Variants in NAPG observed in about 807,000 individuals in gnomAD.
NAPG encodes the protein gamma-soluble NSF attachment protein.
In NAPG, 25 loss-of-function variants were observed where a neutral mutation model predicts 48.4. That is an observed-to-expected ratio of 0.52 (90% CI 0.38 to 0.72). NAPG has a LOEUF of 0.72. NAPG is among the 30% of genes least tolerant of loss of function. NAPG has a pLI of 0.00. For missense variants in NAPG, 359 were observed against 372.5 expected, an observed-to-expected ratio of 0.96 and a Z score of 0.30; for synonymous variants, 139 against 127.2, an observed-to-expected ratio of 1.09 and a Z score of -0.62.
At chr18:10,540,130 G>A (rs1798142455) in intron 7 of NAPG, 76 bp downstream of exon 7, 3 of 1,270,316 alleles carry the variant, frequency 2.4e-6, no homozygotes, top group African/African-American at 3.0e-5. Flanking sequence ...ATAGAGAAGT[G>A]CAGTGGCTAC....
At chr18:10,541,834 T>C (rs2143128522) in intron 8 of NAPG, among the ~76,000 whole-genome samples, 1 of 152,372 alleles carries the variant, frequency 6.6e-6, no homozygotes, top group Admixed American at 6.5e-5. Context: ...GAAGTATTTC[T>C]GCTTTCCACA....
Position 10,548,838 on chromosome 18 carries a change from T to TA in NAPG, c.666-128dup. 1 of 1,184,872 alleles carries TA rather than the reference T, an allele frequency of 8.4e-7. No homozygotes were observed. The highest frequency in any genetic ancestry group is 1.6e-5 in the South Asian group (1 of 63,514). The allele number at this position is 1,184,872 out of a possible 1,614,324, so 73.4% of individuals were successfully genotyped here. On this transcript the variant is annotated intron_variant, in intron 10 of 11. Coordinates refer to ENST00000322897, the MANE Select transcript of NAPG (RefSeq NM_003826.3). This position sits in a 1 kb window ranked among gnomAD's most constrained non-coding sequence, Gnocchi z 4.4. Reference sequence around the variant, plus strand: ...CCGGTCTCTGCCCTCTAGATGCCACTAGCATTCCCACACTTTTAAGTACCA... The same window carrying TA: ...CCGGTCTCTGCCCTCTAGATGCCACTAAGCATTCCCACACTTTTAAGTACCA...
intron 1 of NAPG, among the ~76,000 whole-genome samples, chr18:10,527,068 G>A (rs1412905190): frequency 1.3e-5 from 2 of 151,684 alleles, no homozygotes; most frequent in African/African-American, 4.8e-5. Context: ...GGCGCCTGTA[G>A]TCCCAGCTAC....
intron 3 of NAPG, chr18:10,533,108 A>G (rs9955980): frequency 0.011 from 3,358 of 296,362 alleles, 106 homozygotes; most frequent in African/African-American, 0.065. Context: ...TAGCACAGGT[A>G]TTGAAAACAC....
chr18:10,548,094 A>G lies in NAPG; in HGVS notation c.586-205A>G, dbSNP rs908412178. Among the ~76,000 whole-genome samples the G allele has an allele frequency of 3.9e-5, 6 of 152,240 alleles. No individual in the cohort carries two copies. The highest frequency in any genetic ancestry group is 9.6e-5 in the African/African-American group (4 of 41,470). ...AATCCCAGGCTTGCCCCTAGCAGCC[A>G]AATTCCAGGACATGAGAATTGGAAA... is the stretch of plus-strand genomic sequence containing the variant. On this transcript the variant is annotated intron_variant, in intron 9 of 11. Transcript: ENST00000322897. The surrounding 1 kb of genome is among the most constrained non-coding windows in gnomAD (Gnocchi z 4.4).
chr18:10,537,198 A>G (rs1424369753), intron 5 of NAPG, among the ~76,000 whole-genome samples: 2 of 152,038 alleles, frequency 1.3e-5, no homozygotes, highest in African/African-American at 2.4e-5. Context: ...GGCTCAAGTG[A>G]TACTTCTGCC....
At chr18:10,528,397 G>A (rs1470573367) in intron 1 of NAPG, among the ~76,000 whole-genome samples, 2 of 152,156 alleles carry the variant, frequency 1.3e-5, no homozygotes, top group Non-Finnish European at 2.9e-5. Flanking sequence ...ACTAAAAATA[G>A]GATGTTCAGT....
At chr18:10,532,665 T>A in intron 2 of NAPG, 46 bp from the exon 3 acceptor site, 1 of 1,418,480 alleles carries the variant, frequency 7.0e-7, no homozygotes, top group Non-Finnish European at 9.7e-7. Flanking sequence ...ATGATTCATT[T>A]GAGGTTTTTA....
intron 1 of NAPG, among the ~76,000 whole-genome samples, chr18:10,527,745 G>A (rs1043442147): frequency 3.9e-5 from 6 of 152,178 alleles, no homozygotes; most frequent in African/African-American, 1.4e-4. Flanking sequence ...ATGTGCTCTG[G>A]GAACAGTGAA....
intron 1 of NAPG, 116 bp downstream of exon 1, chr18:10,526,274 C>A (rs1004359994): frequency 1.4e-6 from 1 of 739,990 alleles, no homozygotes; most frequent in Middle Eastern, 4.3e-4. Context: ...GGCCTCGGCG[C>A]GCTGGTGCCC....
In NAPG at chr18:10,534,410, T is replaced by C; in HGVS notation, c.228-56T>C. On this transcript the variant is annotated intron_variant, in intron 4 of 11. Transcript: ENST00000322897. The surrounding 1 kb of genome is among the most constrained non-coding windows in gnomAD (Gnocchi z 5.0). ...ACCAGTAGTTCCTCACCAGAAAGTT[T>C]CTTCTACCCCTTATTTCGTTAAGAT... The C allele has an allele frequency of 6.5e-7, 1 of 1,548,788 alleles. No individual in the cohort carries two copies. Among genetic ancestry groups the C allele is most frequent in the Non-Finnish European group, 8.9e-7 (1 of 1,122,766 alleles).
At position 10,534,361 on chromosome 18, in the gene NAPG, A is replaced by ATTG. The variant is rs1272200429; in HGVS notation, c.228-103_228-101dup. ...GAAGTGATATGTTGTGCATGAGCCC[A>ATTG]TTGTAATTGAAGTCACTTTCCTTAC... On this transcript the variant is annotated intron_variant, in intron 4 of 11. Coordinates refer to ENST00000322897, the MANE Select transcript of NAPG (RefSeq NM_003826.3). This position sits in a 1 kb window ranked among gnomAD's most constrained non-coding sequence, Gnocchi z 5.0. 13 of 830,020 alleles carry ATTG rather than the reference A, an allele frequency of 1.6e-5. No individual in the cohort carries two copies. In the African/African-American group the frequency reaches 2.2e-4, roughly 14 times the overall value. The allele number at this position is 830,020 out of a possible 1,614,324, so 51.4% of individuals were successfully genotyped here.
rs1302969890 is a variant in NAPG at position 10,534,667 on chromosome 18, A to G, written c.258+171A>G. Among the ~76,000 whole-genome samples the G allele has an allele frequency of 6.6e-6, 1 of 152,238 alleles. No homozygotes were observed. The highest frequency in any genetic ancestry group is 1.5e-5 in the Non-Finnish European group (1 of 68,040). On this transcript the variant is annotated intron_variant, in intron 5 of 11. Transcript: ENST00000322897. This position sits in a 1 kb window ranked among gnomAD's most constrained non-coding sequence, Gnocchi z 5.0. ...ATTGGACCCATAGAATACATTCTGT[A>G]CGTCTTAAGGAATGTTAAAAGTGAA...
chr18:10,542,836 G>T lies in NAPG; in HGVS notation c.506+2437G>T, dbSNP rs573875022. On this transcript the variant is annotated intron_variant, in intron 8 of 11. Transcript: ENST00000322897. The surrounding 1 kb of genome is among the most constrained non-coding windows in gnomAD (Gnocchi z 4.5). ...CAGAAGTGATTCGTAGTTTCATTTAGATTACATCTGGGAAAAGTCAGTCCA... is the reference window on the plus strand; with the variant it reads ...CAGAAGTGATTCGTAGTTTCATTTATATTACATCTGGGAAAAGTCAGTCCA... Among the ~76,000 whole-genome samples, 1 of 152,130 alleles carries T rather than the reference G, an allele frequency of 6.6e-6. No homozygotes were observed. Among genetic ancestry groups the T allele is most frequent in the Non-Finnish European group, 1.5e-5 (1 of 68,030 alleles).
rs556775271 is a variant in NAPG, at chr18:10,526,513, C to T, written c.56+355C>T. 83 of 269,180 alleles carry T rather than the reference C, an allele frequency of 3.1e-4. 1 individual carries two copies. The highest frequency in any genetic ancestry group is 1.8e-3 in the African/African-American group (78 of 44,192). 16.7% of individuals were successfully genotyped at this position (269,180 alleles called of 1,614,324 possible). Reference sequence around the variant, plus strand: ...CTGTGCATCGGAGGCTCGTTAGCAGCATCCTTGGCCTCTACCTGCTGGGTG... The same window carrying T: ...CTGTGCATCGGAGGCTCGTTAGCAGTATCCTTGGCCTCTACCTGCTGGGTG... On this transcript the variant is annotated intron_variant, in intron 1 of 11. Transcript: ENST00000322897.
chr18:10,541,270 A>AT lies in NAPG; in HGVS notation c.506+878dup, dbSNP rs1238577699. Among the ~76,000 whole-genome samples, 12 of 152,260 alleles carry AT rather than the reference A, an allele frequency of 7.9e-5. No homozygotes were observed. The South Asian group carries it at 8.3e-4, about 11-fold the overall frequency. ...ATAGGACCTTCCTTCACTGAGGAGT[A>AT]TTTTTTTGTCTAAATGGAATAGAAA... On this transcript the variant is annotated intron_variant, in intron 8 of 11. Transcript: ENST00000322897.
chr18:10,530,387 T>A (rs930557576), intron 1 of NAPG, among the ~76,000 whole-genome samples: 1 of 152,080 alleles, frequency 6.6e-6, no homozygotes, highest in Non-Finnish European at 1.5e-5. Flanking sequence ...TGAATCCCTC[T>A]GCTGTCGATA....
intron 5 of NAPG, among the ~76,000 whole-genome samples, chr18:10,537,483 A>G (rs1567890409): frequency 6.6e-6 from 1 of 152,120 alleles, no homozygotes; most frequent in East Asian, 1.9e-4. Flanking sequence ...AGGAGGAGGA[A>G]GAGGAGGAGG....
At position 10,533,486 on chromosome 18, in the gene NAPG, A is replaced by G. The variant is rs370672224; in HGVS notation, c.210-50A>G. ...TTTAAATAGTTGATCTATAGAAACT[A>G]TTGATTTTTTTCTTTTTTCCTTAAC... is the stretch of plus-strand genomic sequence containing the variant. On this transcript the variant is annotated intron_variant, in intron 3 of 11. Transcript: ENST00000322897. 40 of 1,531,228 alleles carry G rather than the reference A, an allele frequency of 2.6e-5. No individual in the cohort carries two copies. The South Asian group carries it at 4.1e-4, about 16-fold the overall frequency. 94.9% of individuals were successfully genotyped at this position (1,531,228 alleles called of 1,614,324 possible).
Sources: gnomAD v4.1 joint callset for allele counts (sites outside exome capture counted in the v4.1 genomes callset) on GRCh38, gnomAD v4.1.1 for gene constraint, Gnocchi (gnomAD v3.1) non-coding constraint, MANE v1.5 for transcripts, NCBI Gene and HGNC (gene_info 2026-07-23, HGNC 2026-07-21) for gene names.